TMEM117: variants seen among roughly 807,000 people sequenced by gnomAD.
TMEM117 encodes the protein transmembrane protein 117.
In TMEM117, 27 loss-of-function variants were observed where a neutral mutation model predicts 52.4. The observed-to-expected ratio is 0.51, with a 90% CI of 0.38 to 0.71. TMEM117 has a LOEUF of 0.71. TMEM117 is among the 30% of genes least tolerant of loss of function. The probability of loss-of-function intolerance (pLI) is 0.00; values close to 1 mark genes in which losing one functional copy is unlikely to be tolerated. For synonymous variants in TMEM117, 215 were observed against 206.3 expected (o/e 1.04, Z -0.36); for missense variants, 556 against 630.5 (o/e 0.88, Z 1.26).
chr12:43,948,481 ATTT>A (rs1356245936), intron 3 of TMEM117, among the ~76,000 whole-genome samples: 5 of 151,730 alleles, frequency 3.3e-5, no homozygotes, highest in African/African-American at 7.3e-5. Flanking sequence ...AATTTTTTGT[ATTT>A]TTAATAGAGA....
At chr12:44,214,129 T>G (rs200415141) in intron 5 of TMEM117, among the ~76,000 whole-genome samples, 2,740 of 140,362 alleles carry the variant, frequency 0.02, 68 homozygotes, top group African/African-American at 0.061. Flanking sequence ...CTTACAAATT[T>G]TTTTTTTAAT....
intron 2 of TMEM117, among the ~76,000 whole-genome samples, chr12:43,918,442 G>A (rs1414524744): frequency 1.3e-5 from 2 of 152,096 alleles, no homozygotes; most frequent in South Asian, 2.1e-4. Context: ...GTTTACAAAG[G>A]TTAACAACCA....
intron 3 of TMEM117, among the ~76,000 whole-genome samples, chr12:43,957,452 T>A (rs1403142163): frequency 6.6e-6 from 1 of 152,210 alleles, no homozygotes; most frequent in Non-Finnish European, 1.5e-5. Context: ...TATATAGGAA[T>A]GAAGGCTTGA....
intron 7 of TMEM117, among the ~76,000 whole-genome samples, chr12:44,387,270 T>C (rs991266487): frequency 1.3e-5 from 2 of 151,850 alleles, no homozygotes; most frequent in African/African-American, 4.8e-5. Context: ...TTTTCCACAT[T>C]CTTTCCATTT....
At chr12:44,380,137 T>G (rs1952000171) in intron 7 of TMEM117, among the ~76,000 whole-genome samples, 3 of 152,196 alleles carry the variant, frequency 2.0e-5, no homozygotes, top group Non-Finnish European at 4.4e-5. Context: ...CTTTAATTTG[T>G]TTTCATATGC....
chr12:44,215,984 CCTTTCTTTCTTT>C (rs202099319), intron 5 of TMEM117, among the ~76,000 whole-genome samples: 4 of 143,878 alleles, frequency 2.8e-5, no homozygotes, highest in Non-Finnish European at 4.5e-5. Flanking sequence ...GAAAGGAGCT[CCTTTCTTTCTTT>C]CTTTCTTTCT....
chr12:44,031,316 G>A (rs1203474961), intron 3 of TMEM117, among the ~76,000 whole-genome samples: 2 of 152,098 alleles, frequency 1.3e-5, no homozygotes, highest in African/African-American at 2.4e-5. Context: ...ACCAAAATTT[G>A]TCAATTGTGT....
intron 3 of TMEM117, among the ~76,000 whole-genome samples, chr12:43,989,738 G>C (rs778076323): frequency 5.9e-5 from 9 of 151,926 alleles, no homozygotes; most frequent in Admixed American, 1.3e-4. Flanking sequence ...CTGTTCCTCT[G>C]TTCCTCCAGA....
chr12:44,060,782 C>T (rs539145970), intron 3 of TMEM117, among the ~76,000 whole-genome samples: 15 of 152,060 alleles, frequency 9.9e-5, no homozygotes, highest in African/African-American at 2.7e-4. Context: ...AGAGAGACAA[C>T]GAGGAGGAGG....
chr12:44,330,529 T>G (rs766079342), intron 6 of TMEM117, among the ~76,000 whole-genome samples: 2 of 152,094 alleles, frequency 1.3e-5, no homozygotes, highest in African/African-American at 2.4e-5. Flanking sequence ...TATAAAATTA[T>G]TGATGAGATA....
chr12:44,277,796 C>T (rs1393452663), intron 5 of TMEM117, among the ~76,000 whole-genome samples: 1 of 140,840 alleles, frequency 7.1e-6, no homozygotes, highest in Admixed American at 7.4e-5. Context: ...CAGAGTCCCA[C>T]TCTGTCACCA....
chr12:44,297,454 G>T (rs185583467), intron 5 of TMEM117, among the ~76,000 whole-genome samples: 96 of 152,266 alleles, frequency 6.3e-4, no homozygotes, highest in African/African-American at 2.1e-3. Flanking sequence ...AGGCAGTGCT[G>T]GATAACAGGG....
At chr12:44,164,838 GATAC>G (rs1948943803) in intron 4 of TMEM117, among the ~76,000 whole-genome samples, 1 of 152,120 alleles carries the variant, frequency 6.6e-6, no homozygotes, top group Admixed American at 6.5e-5. Context: ...GTGATATTTT[GATAC>G]ATGCATGCAA....
rs538222470 is a variant in TMEM117, at chr12:43,890,443, TG to T, written c.277+45516del. Among the ~76,000 whole-genome samples the T allele has an allele frequency of 5.9e-5, 9 of 152,312 alleles. No homozygotes were observed. In the East Asian group the frequency reaches 1.7e-3, roughly 29 times the overall value. ...ATGTCCTGTCATTCTAGATGGGTTTTGAAGACAAAAGTAGCATCTTTCTTTT... is the reference window on the plus strand; with the variant it reads ...ATGTCCTGTCATTCTAGATGGGTTTTAAGACAAAAGTAGCATCTTTCTTTT... On this transcript the variant is annotated intron_variant, in intron 2 of 7. Coordinates refer to ENST00000266534, the MANE Select transcript of TMEM117 (RefSeq NM_032256.3).
chr12:44,106,016 C>A (rs60006361), intron 3 of TMEM117, among the ~76,000 whole-genome samples: 1,917 of 152,150 alleles, frequency 0.013, 47 homozygotes, highest in African/African-American at 0.043. Flanking sequence ...TACCGAGCCT[C>A]TAGCAATTTA....
At chr12:43,986,079 TA>T (rs1945842465) in intron 3 of TMEM117, among the ~76,000 whole-genome samples, 1 of 152,204 alleles carries the variant, frequency 6.6e-6, no homozygotes, top group Non-Finnish European at 1.5e-5. Flanking sequence ...CTCTGAGATG[TA>T]ATACACCAGG....
intron 3 of TMEM117, among the ~76,000 whole-genome samples, chr12:44,044,686 T>C (rs1164862468): frequency 1.3e-5 from 2 of 152,096 alleles, no homozygotes; most frequent in African/African-American, 2.4e-5. Context: ...GGCTGACTCA[T>C]AGATGGCTTT....
intron 5 of TMEM117, among the ~76,000 whole-genome samples, chr12:44,261,028 T>C (rs913815707): frequency 5.3e-5 from 8 of 152,370 alleles, no homozygotes; most frequent in African/African-American, 1.7e-4. Flanking sequence ...ATTATCCAAT[T>C]ATGTCTTGGA....
At chr12:44,309,793 C>T (rs1322164558) in intron 6 of TMEM117, among the ~76,000 whole-genome samples, 2 of 136,344 alleles carry the variant, frequency 1.5e-5, no homozygotes, top group Non-Finnish European at 3.2e-5. Context: ...AAAAAAAAAA[C>T]AGATCTGTCT....
Sources: gnomAD v4.1 joint callset for allele counts (sites outside exome capture counted in the v4.1 genomes callset) on GRCh38, gnomAD v4.1.1 for gene constraint, MANE v1.5 for transcripts, NCBI Gene and HGNC (gene_info 2026-07-23, HGNC 2026-07-21) for gene names.